The following BCAT1 variants were observed in gnomAD, a reference collection of about 807,000 sequenced individuals.
BCAT1 encodes branched-chain-amino-acid aminotransferase, cytosolic.
BCAT1 carries 48 observed loss-of-function variants against 52.4 expected under a neutral mutation model. The observed-to-expected ratio is 0.92, with a 90% CI of 0.73 to 1.16. The LOEUF is 1.16. BCAT1 is among the 50% of genes most tolerant of loss of function. The pLI is 0.00. For missense variants in BCAT1, 451 were observed against 457.1 expected (o/e 0.99, Z 0.12); for synonymous variants, 167 against 161.3 (o/e 1.04, Z -0.27).
chr12:24,899,488 A>C (rs936936603), intron 2 of BCAT1, among the ~76,000 whole-genome samples: 3 of 152,188 alleles, frequency 2.0e-5, no homozygotes, highest in Non-Finnish European at 4.4e-5. Flanking sequence ...CCAAAAAAAA[A>C]ACTAAAAGTA....
At position 24,889,834 on chromosome 12, in the gene BCAT1, A is replaced by C. The variant is rs557171501; in HGVS notation, c.279+4441T>G. On this transcript the variant is annotated intron_variant, in intron 3 of 10. Transcript: ENST00000261192. Reference sequence around the variant, plus strand: ...GCAAGACCCCATCTTATATTTTAAAAATAATGAAATAAAATAAAAGACCCT... The same window carrying C: ...GCAAGACCCCATCTTATATTTTAAACATAATGAAATAAAATAAAAGACCCT... Among the ~76,000 whole-genome samples the C allele has an allele frequency of 1.4e-4, 21 of 152,290 alleles. No individual in the cohort carries two copies. The South Asian group carries it at 4.1e-3, about 30-fold the overall frequency.
chr12:24,845,040 C>G (rs935818748), intron 6 of BCAT1, among the ~76,000 whole-genome samples: 1 of 151,176 alleles, frequency 6.6e-6, no homozygotes, highest in Non-Finnish European at 1.5e-5. Flanking sequence ...TGGTGAAACC[C>G]TGTCTCTACC....
intron 1 of BCAT1, among the ~76,000 whole-genome samples, chr12:24,946,327 C>T (rs1943932148): frequency 6.6e-6 from 1 of 152,048 alleles, no homozygotes; most frequent in Non-Finnish European, 1.5e-5. Flanking sequence ...TGTCAGCCTA[C>T]GGACAAAACT....
In BCAT1 at chr12:24,838,721, T is replaced by C. The variant is rs146536452; in HGVS notation, c.818-2125A>G. 2.0e-5 allele frequency among the ~76,000 whole-genome samples: 3 copies of C among 152,316 alleles called. No individual in the cohort carries two copies. In the East Asian group the frequency reaches 5.8e-4, roughly 29 times the overall value. On this transcript the variant is annotated intron_variant, in intron 7 of 10. Transcript: ENST00000261192. ...TTCTCTGGTTGCCAGACAGAGATGA[T>C]GACATGACAACATTTGGGTGAGAAA...
intron 1 of BCAT1, chr12:24,903,193 C>T: frequency 2.6e-6 from 3 of 1,135,572 alleles, no homozygotes; most frequent in Non-Finnish European, 3.4e-6. Flanking sequence ...CCAACCGTCT[C>T]GTCCCAGTCT....
chr12:24,834,791 A>G, intron 8 of BCAT1: 1 of 1,167,582 alleles, frequency 8.6e-7, no homozygotes, highest in South Asian at 1.7e-5. Context: ...AATTGAAAAC[A>G]AGCTGAGTTC....
chr12:24,883,245 T>C (rs1224805346), intron 3 of BCAT1, among the ~76,000 whole-genome samples: 1 of 152,176 alleles, frequency 6.6e-6, no homozygotes, highest in Non-Finnish European at 1.5e-5. Flanking sequence ...AAGATCACGC[T>C]GCTGCACTCC....
At chr12:24,931,342 TA>T (rs1334935987) in intron 1 of BCAT1, among the ~76,000 whole-genome samples, 1 of 152,058 alleles carries the variant, frequency 6.6e-6, no homozygotes, top group Non-Finnish European at 1.5e-5. Context: ...AGAGAAAAAT[TA>T]AATTAGAAGA....
intron 7 of BCAT1, among the ~76,000 whole-genome samples, chr12:24,837,716 C>T (rs866572372): frequency 2.0e-5 from 3 of 152,030 alleles, no homozygotes; most frequent in South Asian, 2.1e-4. Context: ...TGTGAGCCAC[C>T]GCACCCAGCC....
intron 2 of BCAT1, among the ~76,000 whole-genome samples, chr12:24,898,660 C>T (rs149639581): frequency 5.0e-4 from 75 of 150,834 alleles, no homozygotes; most frequent in Admixed American, 1.6e-3. Flanking sequence ...GGATTACAGG[C>T]ATGTGTCATC....
intron 5 of BCAT1, among the ~76,000 whole-genome samples, chr12:24,875,650 A>G (rs1441811882): frequency 6.6e-6 from 1 of 152,166 alleles, no homozygotes; most frequent in African/African-American, 2.4e-5. Context: ...CACCAGATCT[A>G]CTCAGAGTCT....
intron 1 of BCAT1, among the ~76,000 whole-genome samples, chr12:24,939,867 A>G (rs1022982022): frequency 1.3e-5 from 2 of 152,098 alleles, no homozygotes; most frequent in Non-Finnish European, 2.9e-5. Context: ...ATAAAATCAA[A>G]TGTGCATAGG....
intron 10 of BCAT1, among the ~76,000 whole-genome samples, chr12:24,827,277 G>A (rs1351766745): frequency 6.6e-6 from 1 of 151,486 alleles, no homozygotes; most frequent in Non-Finnish European, 1.5e-5. Context: ...ATTTACTCAG[G>A]CAACCTTAAA....
chr12:24,887,925 A>G (rs757962713), intron 3 of BCAT1, among the ~76,000 whole-genome samples: 2 of 152,226 alleles, frequency 1.3e-5, no homozygotes, highest in Non-Finnish European at 2.9e-5. Flanking sequence ...TGGAGCTCTC[A>G]AAATAAAATG....
chr12:24,936,019 A>G (rs900281975), intron 1 of BCAT1, among the ~76,000 whole-genome samples: 1 of 152,114 alleles, frequency 6.6e-6, no homozygotes, highest in Non-Finnish European at 1.5e-5. Flanking sequence ...TAACATCCCT[A>G]CTTCTACTAA....
chr12:24,900,823 C>CAGGAGGCT (rs1943083839), intron 2 of BCAT1, among the ~76,000 whole-genome samples: 1 of 152,080 alleles, frequency 6.6e-6, no homozygotes. Flanking sequence ...CTCAGCTACT[C>CAGGAGGCT]AGGAGGCTGA....
Position 24,816,314 on chromosome 12 carries a change from T to A in BCAT1, c.*1694A>T, listed in dbSNP as rs1939873854. 2.5e-6 allele frequency: 1 copy of A among 392,332 alleles called. No individual in the cohort carries two copies. Among genetic ancestry groups the A allele is most frequent in the Admixed American group, 4.4e-5 (1 of 22,534 alleles). 24.3% of individuals were successfully genotyped at this position (392,332 alleles called of 1,614,324 possible). A position where few individuals can be genotyped will look rare whatever the true frequency, so the allele number is the denominator to read the frequency against. On this transcript the variant is annotated 3_prime_UTR_variant, in exon 11 of 11. Transcript: ENST00000261192. ...CCTTCTCTGAAAAGAGAATAAAATA[T>A]GTTCAGCAAGAAGGAAGTTATGAGG...
At chr12:24,918,307 A>C (rs1474388289) in intron 1 of BCAT1, among the ~76,000 whole-genome samples, 4 of 152,174 alleles carry the variant, frequency 2.6e-5, no homozygotes, top group Non-Finnish European at 5.9e-5. Context: ...GACACTACCA[A>C]CGCTGACATG....
rs749346042 is a variant in BCAT1, at chr12:24,901,844, T to C, written c.48A>G (p.Gly16=). The C allele has an allele frequency of 6.2e-7, 1 of 1,613,992 alleles. No homozygotes were observed. Among genetic ancestry groups the C allele is most frequent in the South Asian group, 1.1e-5 (1 of 91,042 alleles). The change falls in exon 2 of 11, where the codon GGA becomes GGG. Residue 16 remains glycine (G), a synonymous_variant. Transcript: ENST00000261192. The part of the protein sequence containing the change: ...NGCSAECTGE[G]GSKEVVGTFK... ...AAGTCCCCACCACCTCTTTTGATCC[T>C]CCTTCTCCGGTACACTCTGCGGAGC...
Sources: allele counts gnomAD v4.1 joint callset (sites outside exome capture counted in the v4.1 genomes callset), GRCh38; gene constraint gnomAD v4.1.1; transcripts MANE v1.5; gene names NCBI Gene and HGNC (gene_info 2026-07-23, HGNC 2026-07-21).